The following MME variants were observed in gnomAD, a reference collection of about 807,000 sequenced individuals.
The protein encoded by MME is membrane metalloendopeptidase.
Under a neutral mutation model 113.2 loss-of-function variants are expected in MME, and 98 were observed. The observed-to-expected ratio is 0.87, with a 90% CI of 0.74 to 1.02. The LOEUF (loss-of-function observed/expected upper bound fraction) is 1.02, where lower values mean the gene tolerates loss of function less well. MME is among the 50% of genes least tolerant of loss of function. The pLI is 0.00. For missense variants in MME, 836 were observed against 896.0 expected, an observed-to-expected ratio of 0.93 and a Z score of 0.86; for synonymous variants, 292 against 300.6, an observed-to-expected ratio of 0.97 and a Z score of 0.30.
chr3:155,101,803 A>G (rs1472187541), intron 3 of MME, among the ~76,000 whole-genome samples: 1 of 152,136 alleles, frequency 6.6e-6, no homozygotes, highest in Admixed American at 6.5e-5. Flanking sequence ...GGTCCTTTAT[A>G]GTTTAACTAA....
chr3:155,172,723 CTT>C (rs11445808), intron 22 of MME, 111 bp downstream of exon 22: 2,728 of 626,090 alleles, frequency 4.4e-3, no homozygotes, highest in East Asian at 5.3e-3. Flanking sequence ...AAATTCAGTG[CTT>C]TTTTTTTTTT....
At chr3:155,030,295 A>T (rs1290932819) in intron 1 of MME, among the ~76,000 whole-genome samples, 1 of 152,160 alleles carries the variant, frequency 6.6e-6, no homozygotes, top group African/African-American at 2.4e-5. Context: ...TTTTCTTTGT[A>T]AGTATAATTT....
intron 12 of MME, 119 bp from the exon 13 acceptor site, chr3:155,143,322 TTG>T (rs1376115609): frequency 8.7e-7 from 1 of 1,147,386 alleles, no homozygotes; most frequent in African/African-American, 1.5e-5. Flanking sequence ...AACATGGGCC[TTG>T]TGAGGAGAAG....
chr3:155,054,919 C>T (rs1713876393), intron 1 of MME, among the ~76,000 whole-genome samples: 1 of 152,196 alleles, frequency 6.6e-6, no homozygotes, highest in Non-Finnish European at 1.5e-5. Context: ...GACTAAAAAA[C>T]ACTGAGTTTC....
intron 8 of MME, among the ~76,000 whole-genome samples, chr3:155,125,804 T>G (rs1719605093): frequency 6.6e-6 from 1 of 152,072 alleles, no homozygotes; most frequent in Non-Finnish European, 1.5e-5. Context: ...GAGACAAAAC[T>G]AATAATCTTA....
intron 1 of MME, among the ~76,000 whole-genome samples, chr3:155,061,602 GAC>G (rs992859493): frequency 5.3e-5 from 8 of 151,214 alleles, no homozygotes; most frequent in Admixed American, 4.6e-4. Context: ...ATTTTTTGGT[GAC>G]TTTGTATAAC....
intron 1 of MME, among the ~76,000 whole-genome samples, chr3:155,061,974 G>GT (rs1204787524): frequency 6.6e-6 from 1 of 152,094 alleles, no homozygotes; most frequent in Non-Finnish European, 1.5e-5. Flanking sequence ...TGTCTACTCT[G>GT]TATGTTCTTT....
chr3:155,066,091 A>G (rs1714372759), intron 1 of MME, among the ~76,000 whole-genome samples: 1 of 152,238 alleles, frequency 6.6e-6, no homozygotes, highest in Non-Finnish European at 1.5e-5. Flanking sequence ...TTCATTTTAT[A>G]TAGAAATGAA....
intron 8 of MME, among the ~76,000 whole-genome samples, chr3:155,129,834 A>G (rs1429965793): frequency 2.0e-5 from 3 of 152,244 alleles, no homozygotes; most frequent in Admixed American, 2.0e-4. Context: ...AAAGATACAC[A>G]TGGCCCATAA....
chr3:155,075,603 C>T (rs1237779226), upstream of MME, among the ~76,000 whole-genome samples: 4 of 152,048 alleles, frequency 2.6e-5, no homozygotes, highest in Non-Finnish European at 5.9e-5. Flanking sequence ...TGTATTAGTA[C>T]TTTTTACATA....
chr3:155,132,892 A>C (rs925252591), intron 8 of MME, among the ~76,000 whole-genome samples: 19 of 151,134 alleles, frequency 1.3e-4, no homozygotes, highest in Non-Finnish European at 1.9e-4. Flanking sequence ...CGTCTCTACT[A>C]AATACAAAAA....
intron 1 of MME, among the ~76,000 whole-genome samples, chr3:155,047,519 AT>A (rs2108125426): frequency 1.3e-5 from 2 of 152,234 alleles, no homozygotes; most frequent in African/African-American, 4.8e-5. Flanking sequence ...TAAAATTTCT[AT>A]TTGGTTCTTT....
At position 155,093,994 on chromosome 3, in the gene MME, A is replaced by T. The variant is rs77574943; in HGVS notation, c.196+8900A>T. Reference sequence around the variant, plus strand: ...CCTATTCCTCTTTTCTTTCTCATACAATGTATATTAGTTTATTTTATGTAT... The same window carrying T: ...CCTATTCCTCTTTTCTTTCTCATACTATGTATATTAGTTTATTTTATGTAT... On this transcript the variant is annotated intron_variant, in intron 3 of 22. Transcript: ENST00000360490. Among the ~76,000 whole-genome samples, 420 of 152,282 alleles carry T rather than the reference A, an allele frequency of 2.8e-3. 2 individuals carry two copies. The highest frequency in any genetic ancestry group is 7.2e-3 in the South Asian group (35 of 4,830).
chr3:155,165,951 C>T (rs2108360996), intron 17 of MME, among the ~76,000 whole-genome samples: 1 of 152,260 alleles, frequency 6.6e-6, no homozygotes, highest in South Asian at 2.1e-4. Flanking sequence ...ATTTGTGAGA[C>T]ATCTGAATGG....
intron 12 of MME, among the ~76,000 whole-genome samples, chr3:155,143,198 T>C (rs61758198): frequency 1.5e-4 from 23 of 152,198 alleles, no homozygotes; most frequent in Non-Finnish European, 3.2e-4. Context: ...TCTACAATGA[T>C]ATTAAGTTGT....
intron 1 of MME, among the ~76,000 whole-genome samples, chr3:155,066,306 A>G (rs1463641090): frequency 1.3e-5 from 2 of 152,202 alleles, no homozygotes; most frequent in Admixed American, 1.3e-4. Flanking sequence ...AATATGCATG[A>G]TTATTGCCCT....
intron 22 of MME, among the ~76,000 whole-genome samples, chr3:155,177,499 T>C (rs1363462530): frequency 6.6e-6 from 1 of 152,274 alleles, no homozygotes; most frequent in Admixed American, 6.5e-5. Context: ...ACATAAACAG[T>C]CACTTTTGAC....
chr3:155,067,300 C>CTT (rs576443367), intron 1 of MME, among the ~76,000 whole-genome samples: 2,234 of 91,982 alleles, frequency 0.024, 564 homozygotes, highest in Non-Finnish European at 0.043. Context: ...ATTTATTTTC[C>CTT]TTTTTTTTTT....
chr3:155,118,095 A>C (rs983077256), intron 7 of MME, among the ~76,000 whole-genome samples: 2 of 152,214 alleles, frequency 1.3e-5, no homozygotes, highest in South Asian at 4.1e-4. Flanking sequence ...CTTAACTGCT[A>C]TCTGGGTCTA....
Sources: gnomAD v4.1 joint callset for allele counts (sites outside exome capture counted in the v4.1 genomes callset) on GRCh38, gnomAD v4.1.1 for gene constraint, MANE v1.5 for transcripts, NCBI Gene and HGNC (gene_info 2026-07-23, HGNC 2026-07-21) for gene names.